UGGT2: variants seen among roughly 807,000 people sequenced by gnomAD.
The protein encoded by UGGT2 is UDP-glucose:glycoprotein glucosyltransferase 2.
In UGGT2, 180 loss-of-function variants were observed where a neutral mutation model predicts 192.1. The observed-to-expected ratio is 0.94, with a 90% confidence interval of 0.83 to 1.06. UGGT2 has a LOEUF of 1.06. Among genes scored for constraint, UGGT2 ranks in the 50% least tolerant of loss-of-function variants. The pLI is 0.00. For missense variants in UGGT2, 1,849 were observed against 1,795.7 expected (o/e 1.03, Z -0.54); for synonymous variants, 580 against 591.0 (o/e 0.98, Z 0.27).
chr13:96,025,002 T>C (rs2052621983), intron 2 of UGGT2, among the ~76,000 whole-genome samples: 1 of 152,166 alleles, frequency 6.6e-6, no homozygotes, highest in Non-Finnish European at 1.5e-5. Flanking sequence ...AGGGTACAGG[T>C]GTTATCTGGC....
intron 27 of UGGT2, among the ~76,000 whole-genome samples, chr13:95,880,304 T>C (rs1427060691): frequency 2.6e-5 from 4 of 152,218 alleles, no homozygotes; most frequent in Non-Finnish European, 5.9e-5. Flanking sequence ...TTTTCCCAAG[T>C]TATTAATAGC....
chr13:95,972,742 T>A, intron 10 of UGGT2, 71 bp from the exon 11 acceptor site: 1 of 1,148,378 alleles, frequency 8.7e-7, no homozygotes, highest in Non-Finnish European at 1.3e-6. Flanking sequence ...GTCACCATAT[T>A]ATTTCTATAA....
chr13:95,972,762 G>A (rs1016430270), intron 10 of UGGT2, 91 bp from the exon 11 acceptor site: 12 of 974,894 alleles, frequency 1.2e-5, no homozygotes, highest in Non-Finnish European at 1.6e-5. Flanking sequence ...AAGAGTCAGA[G>A]AGTAAATATT....
intron 37 of UGGT2, among the ~76,000 whole-genome samples, chr13:95,833,277 T>C (rs1260550485): frequency 6.6e-6 from 1 of 152,152 alleles, no homozygotes; most frequent in African/African-American, 2.4e-5. Context: ...ATAAAAATTG[T>C]TGAAAGACAT....
intron 7 of UGGT2, chr13:95,991,532 C>G: frequency 2.3e-6 from 1 of 441,432 alleles, no homozygotes; most frequent in Non-Finnish European, 4.5e-6. Flanking sequence ...CTTATAGTTA[C>G]GAATAAATAT....
intron 17 of UGGT2, among the ~76,000 whole-genome samples, chr13:95,928,826 T>TGGGA (rs1301075826): frequency 6.6e-6 from 1 of 152,062 alleles, no homozygotes; most frequent in Non-Finnish European, 1.5e-5. Flanking sequence ...CTCGGCACTT[T>TGGGA]GGGAGGGCAA....
intron 37 of UGGT2, among the ~76,000 whole-genome samples, chr13:95,836,537 G>T (rs1887308281): frequency 6.6e-6 from 1 of 152,112 alleles, no homozygotes. Context: ...TCTGTGCAAA[G>T]GTGTTTATGC....
chr13:95,951,672 T>G (rs1383279987), intron 12 of UGGT2, among the ~76,000 whole-genome samples: 3 of 152,222 alleles, frequency 2.0e-5, no homozygotes, highest in Non-Finnish European at 4.4e-5. Flanking sequence ...AAATTAAGTG[T>G]TCAACAACTT....
At chr13:95,803,738 C>G (rs978706948) in intron 38 of UGGT2, among the ~76,000 whole-genome samples, 1 of 152,044 alleles carries the variant, frequency 6.6e-6, no homozygotes, top group Non-Finnish European at 1.5e-5. Flanking sequence ...GGAAGGCTCT[C>G]GGAGAAACAC....
chr13:95,916,694 T>A (rs1040742509), intron 20 of UGGT2, among the ~76,000 whole-genome samples: 4 of 151,838 alleles, frequency 2.6e-5, no homozygotes, highest in African/African-American at 7.3e-5. Context: ...ACAATCAGTT[T>A]AGAGAGGAAT....
At chr13:95,879,603 T>A (rs1274628148) in intron 27 of UGGT2, among the ~76,000 whole-genome samples, 1 of 152,134 alleles carries the variant, frequency 6.6e-6, no homozygotes, top group African/African-American at 2.4e-5. Flanking sequence ...TCTGAGCTAA[T>A]TTTTTGTACT....
intron 5 of UGGT2, among the ~76,000 whole-genome samples, chr13:96,007,590 G>T (rs2139046860): frequency 1.3e-5 from 2 of 152,120 alleles, no homozygotes; most frequent in East Asian, 3.9e-4. Flanking sequence ...ACCAATAAAT[G>T]AATTCAGTAA....
chr13:95,838,399 C>T (rs778065493), intron 36 of UGGT2, among the ~76,000 whole-genome samples: 1 of 152,148 alleles, frequency 6.6e-6, no homozygotes, highest in African/African-American at 2.4e-5. Flanking sequence ...AGACTTAACA[C>T]AATCCCAATC....
At chr13:95,923,775 G>T (rs1466602123) in intron 20 of UGGT2, among the ~76,000 whole-genome samples, 1 of 152,006 alleles carries the variant, frequency 6.6e-6, no homozygotes. Context: ...AAATAATTTT[G>T]ATAAAACTGT....
intron 22 of UGGT2, among the ~76,000 whole-genome samples, chr13:95,896,786 T>C (rs1049904905): frequency 2.0e-5 from 3 of 152,102 alleles, no homozygotes; most frequent in African/African-American, 7.2e-5. Flanking sequence ...TCACATAATG[T>C]CCAAGTTGGG....
At chr13:95,870,864 T>C (rs1397454692) in intron 29 of UGGT2, among the ~76,000 whole-genome samples, 1 of 152,164 alleles carries the variant, frequency 6.6e-6, no homozygotes, top group Non-Finnish European at 1.5e-5. Context: ...CCACCCTCAT[T>C]GAGTGGAAGT....
At chr13:95,876,075 A>AG (rs397728531) in intron 29 of UGGT2, among the ~76,000 whole-genome samples, 1 of 152,082 alleles carries the variant, frequency 6.6e-6, no homozygotes, top group Non-Finnish European at 1.5e-5. Context: ...TGTTAAAAAA[A>AG]TAATTTTGAC....
intron 29 of UGGT2, among the ~76,000 whole-genome samples, chr13:95,871,017 A>C (rs932048833): frequency 2.0e-5 from 3 of 152,248 alleles, no homozygotes; most frequent in Non-Finnish European, 1.5e-5. Context: ...TGAACCAATA[A>C]ATTTGCTCAG....
At chr13:96,003,113 G>A (rs999779770) in intron 5 of UGGT2, among the ~76,000 whole-genome samples, 28 of 152,072 alleles carry the variant, frequency 1.8e-4, no homozygotes, top group African/African-American at 6.8e-4. Flanking sequence ...ATCCTTAGGT[G>A]TCTATTGTCC....
Sources: gnomAD v4.1 joint callset for allele counts (sites outside exome capture counted in the v4.1 genomes callset) on GRCh38, gnomAD v4.1.1 for gene constraint, MANE v1.5 for transcripts, NCBI Gene and HGNC (gene_info 2026-07-23, HGNC 2026-07-21) for gene names.